Variants in SCIN observed in about 807,000 individuals in gnomAD.
SCIN encodes the protein adseverin.
Under a neutral mutation model 91.8 loss-of-function variants are expected in SCIN, and 91 were observed. The ratio of observed to expected loss-of-function variants is 0.99; its 90% CI spans 0.84 to 1.18. SCIN has a LOEUF of 1.18. Ranked by LOEUF, SCIN falls within the 50% of genes most tolerant of loss-of-function variation. The pLI, the probability that SCIN is intolerant of heterozygous loss-of-function variation, is 0.00. For missense variants in SCIN, 1,087 were observed against 863.9 expected (o/e 1.26, Z -3.24); for synonymous variants, 367 against 312.6 (o/e 1.17, Z -1.84).
intron 3 of SCIN, among the ~76,000 whole-genome samples, chr7:12,591,897 C>A (rs1276825414): frequency 6.6e-6 from 1 of 152,080 alleles, no homozygotes; most frequent in Non-Finnish European, 1.5e-5. Flanking sequence ...ACCCTATACC[C>A]TTTGATAGCG....
chr7:12,604,302 T>C (rs1210261382), intron 3 of SCIN, among the ~76,000 whole-genome samples: 1 of 152,158 alleles, frequency 6.6e-6, no homozygotes, highest in Non-Finnish European at 1.5e-5. Flanking sequence ...TGGTGATATA[T>C]ATATTTATAT....
At chr7:12,605,802 A>G (rs1783070525) in intron 4 of SCIN, among the ~76,000 whole-genome samples, 1 of 152,236 alleles carries the variant, frequency 6.6e-6, no homozygotes, top group African/African-American at 2.4e-5. Context: ...AGTATTTAAA[A>G]TATTTCAATC....
intron 8 of SCIN, 58 bp from the exon 9 acceptor site, chr7:12,629,043 A>G: frequency 1.4e-6 from 2 of 1,413,298 alleles, no homozygotes; most frequent in Non-Finnish European, 1.9e-6. Context: ...AAAGCTTATG[A>G]GAAATATTAT....
chr7:12,608,652 C>T (rs989505321), intron 4 of SCIN, among the ~76,000 whole-genome samples: 3 of 151,760 alleles, frequency 2.0e-5, no homozygotes, highest in African/African-American at 7.3e-5. Flanking sequence ...TAATTTTTTG[C>T]ATTTTTAGTA....
chr7:12,570,921 C>G lies in SCIN; in HGVS notation c.135C>G (p.Ala45=), dbSNP rs1782253411. The change falls in exon 1 of 16, where the codon GCC becomes GCG. Residue 45 remains alanine (A), a synonymous_variant. Transcript: ENST00000297029. ...SAHGDFYVGD[A]YLVLHTAKTS... ...ACGGCGACTTCTACGTCGGGGATGC[C>G]TACCTGGTGCTGCACACGGCCAAGA... 6.4e-7 allele frequency: 1 copy of G among 1,551,552 alleles called. No homozygotes were observed. Among genetic ancestry groups the G allele is most frequent in the Non-Finnish European group, 8.7e-7 (1 of 1,146,976 alleles).
At chr7:12,626,490 T>A (rs1382440168) in intron 7 of SCIN, 94 bp from the exon 8 acceptor site, 1 of 991,968 alleles carries the variant, frequency 1.0e-6, no homozygotes, top group Non-Finnish European at 1.5e-6. Flanking sequence ...CAGGATAATT[T>A]TCCATTTCCT....
chr7:12,625,224 T>A, intron 6 of SCIN, 82 bp downstream of exon 6: 3 of 1,277,672 alleles, frequency 2.3e-6, no homozygotes, highest in Non-Finnish European at 3.1e-6. Context: ...ATTTTTTGAT[T>A]TTAAAAAAAA....
In SCIN at chr7:12,632,139, A is replaced by ATTTTATTTTAATTTTATTTTATT. The variant is rs1562626819; in HGVS notation, c.1319+2927_1319+2928insATTTTATTTTATTTTTTATTTTA. 1.6e-4 allele frequency among the ~76,000 whole-genome samples: 23 copies of ATTTTATTTTAATTTTATTTTATT among 139,636 alleles called. 1 individual carries two copies. Among genetic ancestry groups the ATTTTATTTTAATTTTATTTTATT allele is most frequent in the African/African-American group, 6.7e-4 (23 of 34,254 alleles). The allele number at this position is 139,636 out of a possible 152,430, so 91.6% of individuals were successfully genotyped here. A position where few individuals can be genotyped will look rare whatever the true frequency, so the allele number is the denominator to read the frequency against. On this transcript the variant is annotated intron_variant, in intron 9 of 15. Transcript: ENST00000297029. ...ATTTTATTTTATTTTATTTTATTTT[A>ATTTTATTTTAATTTTATTTTATT]TTTTATTTTAGACAAAGTCTCACTC...
chr7:12,652,001 A>T (rs1016662267), intron 15 of SCIN, 100 bp downstream of exon 15: 9 of 761,122 alleles, frequency 1.2e-5, no homozygotes, highest in Non-Finnish European at 1.7e-5. Flanking sequence ...AATACATTTC[A>T]AAATCAAGAA....
chr7:12,614,589 G>A (rs1783262129), intron 4 of SCIN, among the ~76,000 whole-genome samples: 1 of 152,218 alleles, frequency 6.6e-6, no homozygotes, highest in Non-Finnish European at 1.5e-5. Context: ...TTTGTTAACA[G>A]GTGTCTTACT....
intron 9 of SCIN, among the ~76,000 whole-genome samples, chr7:12,629,997 G>C (rs1172127070): frequency 6.6e-6 from 1 of 152,066 alleles, no homozygotes; most frequent in Admixed American, 6.6e-5. Context: ...GCAGAGAAAT[G>C]TGGGCTGTGG....
intron 13 of SCIN, among the ~76,000 whole-genome samples, chr7:12,646,535 C>G (rs1227722534): frequency 6.6e-6 from 1 of 152,106 alleles, no homozygotes; most frequent in Non-Finnish European, 1.5e-5. Flanking sequence ...AAACAAACAT[C>G]CAATACAAAA....
intron 1 of SCIN, among the ~76,000 whole-genome samples, chr7:12,573,739 C>T (rs531592070): frequency 1.7e-3 from 260 of 152,280 alleles, no homozygotes; most frequent in Middle Eastern, 0.017. Context: ...AAGGTACAAA[C>T]ACTTATCCTC....
At chr7:12,637,749 G>A (rs1007057336) in intron 10 of SCIN, among the ~76,000 whole-genome samples, 1 of 152,072 alleles carries the variant, frequency 6.6e-6, no homozygotes, top group Admixed American at 6.6e-5. Flanking sequence ...ATTACTTGTC[G>A]AGAATGACTG....
chr7:12,572,072 T>A (rs2115195898), intron 1 of SCIN, among the ~76,000 whole-genome samples: 1 of 152,356 alleles, frequency 6.6e-6, no homozygotes, highest in Non-Finnish European at 1.5e-5. Flanking sequence ...AAGCCAACAC[T>A]GTAATTTCCA....
chr7:12,599,475 A>G (rs1479535471), intron 3 of SCIN, among the ~76,000 whole-genome samples: 3 of 152,080 alleles, frequency 2.0e-5, no homozygotes. Context: ...TTGTGCTGCT[A>G]TACACGTGTG....
chr7:12,608,855 C>T (rs1212920240), intron 4 of SCIN, among the ~76,000 whole-genome samples: 1 of 152,140 alleles, frequency 6.6e-6, no homozygotes, highest in Non-Finnish European at 1.5e-5. Flanking sequence ...GAAAGTCTCT[C>T]TATGTGAAAG....
chr7:12,594,498 C>T (rs1197996156), intron 3 of SCIN, among the ~76,000 whole-genome samples: 8 of 152,108 alleles, frequency 5.3e-5, no homozygotes, highest in Non-Finnish European at 8.8e-5. Flanking sequence ...ATATTGAAAT[C>T]GAAAGTGCCA....
In SCIN at chr7:12,640,402, A is replaced by T. The variant is rs766334397; in HGVS notation, c.1466A>T (p.Lys489Ile). Residue 489 changes from lysine (K) to isoleucine (I), a missense_variant, in exon 11 of 16, where the codon AAA becomes ATA. By Grantham distance (102) the Lys-to-Ile change is moderately radical (BLOSUM62 -3). Coordinates refer to ENST00000297029, the MANE Select transcript of SCIN (RefSeq NM_001112706.3). Reference sequence around the variant, plus strand: ...CACCTACTGAGTTTGTTCAAAGACAAACCGCTCATTATTTACAAGAATGGA... The same window carrying T: ...CACCTACTGAGTTTGTTCAAAGACATACCGCTCATTATTTACAAGAATGGA... ...PVHLLSLFKD[K>I]PLIIYKNGTS... The T allele has an allele frequency of 1.2e-6, 2 of 1,613,448 alleles. No homozygotes were observed. The highest frequency in any genetic ancestry group is 4.5e-5 in the East Asian group (2 of 44,832).
Sources: allele counts gnomAD v4.1 joint callset (sites outside exome capture counted in the v4.1 genomes callset), GRCh38; gene constraint gnomAD v4.1.1; transcripts MANE v1.5; gene names NCBI Gene and HGNC (gene_info 2026-07-23, HGNC 2026-07-21).